CYB5R4: variants seen among roughly 807,000 people sequenced by gnomAD.
CYB5R4 encodes the protein N-terminal cytochrome b5 and cytochrome b5 oxidoreductase domain-containing protein.
CYB5R4 carries 55 observed loss-of-function variants against 70.2 expected under a neutral mutation model. The observed-to-expected ratio is 0.78, with a 90% CI of 0.63 to 0.98. The LOEUF is 0.98. CYB5R4 is among the 50% of genes least tolerant of loss of function. The probability of loss-of-function intolerance (pLI) is 0.00; values close to 1 mark genes in which losing one functional copy is unlikely to be tolerated. For missense variants in CYB5R4, 562 were observed against 612.6 expected (o/e 0.92, Z 0.87); for synonymous variants, 197 against 199.5 (o/e 0.99, Z 0.11).
intron 3 of CYB5R4, among the ~76,000 whole-genome samples, chr6:83,895,285 C>A (rs910249220): frequency 1.3e-5 from 2 of 152,038 alleles, no homozygotes; most frequent in Admixed American, 6.6e-5. Context: ...TGTGCCTTAG[C>A]CTCCCGAGTA....
intron 10 of CYB5R4, among the ~76,000 whole-genome samples, chr6:83,932,056 T>G (rs1219066343): frequency 6.6e-6 from 1 of 151,526 alleles, no homozygotes; most frequent in East Asian, 1.9e-4. Context: ...CGGTGTTTAG[T>G]TTTTTGTCCT....
At chr6:83,896,635 CATA>C (rs1415232353) in intron 3 of CYB5R4, among the ~76,000 whole-genome samples, 10 of 152,146 alleles carry the variant, frequency 6.6e-5, no homozygotes, top group African/African-American at 2.4e-4. Context: ...CCATTGTATG[CATA>C]TATTATAACA....
chr6:83,888,698 C>T (rs1273737925), intron 2 of CYB5R4, among the ~76,000 whole-genome samples: 3 of 152,104 alleles, frequency 2.0e-5, no homozygotes, highest in African/African-American at 7.2e-5. Flanking sequence ...CTACATTGGC[C>T]TCTGAGTGTT....
intron 2 of CYB5R4, among the ~76,000 whole-genome samples, chr6:83,878,275 C>T (rs554978378): frequency 5.9e-5 from 9 of 151,656 alleles, no homozygotes; most frequent in African/African-American, 2.2e-4. Context: ...CTAATAGTTC[C>T]AATACATTCT....
chr6:83,910,031 G>A, intron 4 of CYB5R4: 2 of 1,611,718 alleles, frequency 1.2e-6, no homozygotes, highest in Admixed American at 1.7e-5. Flanking sequence ...TGTTAAGCTG[G>A]TACGCATGCA....
chr6:83,877,125 C>T (rs377444253), intron 2 of CYB5R4, among the ~76,000 whole-genome samples: 2 of 152,210 alleles, frequency 1.3e-5, no homozygotes, highest in East Asian at 3.8e-4. Context: ...CAACCGCACC[C>T]AGCCCTTTTA....
At chr6:83,938,659 A>T (rs1466441198) in intron 12 of CYB5R4, among the ~76,000 whole-genome samples, 2 of 152,280 alleles carry the variant, frequency 1.3e-5, no homozygotes, top group East Asian at 3.9e-4. Context: ...AGCATCAGTT[A>T]TCCTATGTGA....
At chr6:83,867,876 C>T (rs1194000448) in intron 2 of CYB5R4, among the ~76,000 whole-genome samples, 3 of 152,212 alleles carry the variant, frequency 2.0e-5, no homozygotes, top group African/African-American at 7.2e-5. Context: ...GTACATACAG[C>T]TTGCTCACAC....
At chr6:83,886,296 C>T (rs1197604663) in intron 2 of CYB5R4, among the ~76,000 whole-genome samples, 1 of 152,172 alleles carries the variant, frequency 6.6e-6, no homozygotes, top group Admixed American at 6.5e-5. Flanking sequence ...AAAGGCCCTA[C>T]CATTCAGTAC....
At chr6:83,942,585 A>G (rs1480975681) in intron 14 of CYB5R4, among the ~76,000 whole-genome samples, 5 of 152,060 alleles carry the variant, frequency 3.3e-5, no homozygotes, top group African/African-American at 4.8e-5. Flanking sequence ...TTTGTACCCC[A>G]GTGGCGCCTG....
chr6:83,897,704 G>A lies in CYB5R4; in HGVS notation c.330+4082G>A, dbSNP rs557139099. ...CTGCATAAATATCTTCTTTTGAGAA[G>A]TGTCTGTTCATATCCTTTGCCCACT... On this transcript the variant is annotated intron_variant, in intron 3 of 15. Coordinates refer to ENST00000369681, the MANE Select transcript of CYB5R4 (RefSeq NM_016230.4). 2.9e-3 allele frequency among the ~76,000 whole-genome samples: 436 copies of A among 152,310 alleles called. 1 individual carries two copies. The highest frequency in any genetic ancestry group is 5.2e-3 in the Non-Finnish European group (355 of 68,042).
Position 83,960,746 on chromosome 6 carries a change from A to G in CYB5R4, c.*868A>G, listed in dbSNP as rs921497658. 1 of 152,226 alleles carries G rather than the reference A, an allele frequency of 6.6e-6. No individual in the cohort carries two copies. 9.4% of individuals were successfully genotyped at this position (152,226 alleles called of 1,614,324 possible). A position where few individuals can be genotyped will look rare whatever the true frequency, so the allele number is the denominator to read the frequency against. ...AAAAATGAGGAACATTCTGCCTTGA[A>G]TGGTTCTTCCCCTGGTTGGCTGCTT... On this transcript the variant is annotated 3_prime_UTR_variant, in exon 16 of 16. Coordinates refer to ENST00000369681, the MANE Select transcript of CYB5R4 (RefSeq NM_016230.4).
chr6:83,917,914 A>G, intron 5 of CYB5R4, 91 bp from the exon 6 acceptor site: 1 of 937,832 alleles, frequency 1.1e-6, no homozygotes, highest in Non-Finnish European at 1.7e-6. Flanking sequence ...CCTTTTATGA[A>G]TATATGTGAT....
At chr6:83,953,788 A>G (rs898227415) in intron 14 of CYB5R4, among the ~76,000 whole-genome samples, 6 of 152,154 alleles carry the variant, frequency 3.9e-5, no homozygotes, top group Non-Finnish European at 8.8e-5. Context: ...GGAGGAGGGA[A>G]TAAGTCGTTG....
chr6:83,876,883 G>C (rs1189417599), intron 2 of CYB5R4, among the ~76,000 whole-genome samples: 6 of 151,838 alleles, frequency 4.0e-5, no homozygotes, highest in African/African-American at 1.5e-4. Flanking sequence ...CACCAGGCTG[G>C]AGTGCAGTGG....
chr6:83,891,500 A>G (rs1343620388), intron 2 of CYB5R4, among the ~76,000 whole-genome samples: 1 of 152,238 alleles, frequency 6.6e-6, no homozygotes, highest in Non-Finnish European at 1.5e-5. Flanking sequence ...GAGAAAGAGC[A>G]AAGAAGAGCC....
intron 2 of CYB5R4, among the ~76,000 whole-genome samples, chr6:83,867,964 C>G (rs755477069): frequency 2.0e-5 from 3 of 152,172 alleles, no homozygotes; most frequent in Non-Finnish European, 2.9e-5. Context: ...ACTTGCCCAC[C>G]CACTCCCCTC....
At chr6:83,922,604 G>A (rs766243956) in intron 9 of CYB5R4, 134 bp downstream of exon 9, 1 of 631,530 alleles carries the variant, frequency 1.6e-6, no homozygotes, top group African/African-American at 2.1e-5. Context: ...GCAAAACAAA[G>A]ATGTGATGTT....
chr6:83,910,460 G>T (rs757170747), intron 4 of CYB5R4, among the ~76,000 whole-genome samples: 5 of 152,134 alleles, frequency 3.3e-5, no homozygotes, highest in Non-Finnish European at 7.4e-5. Context: ...TATAGGGCCC[G>T]TTGTCTGGGT....
Sources: gnomAD v4.1 joint callset for allele counts (sites outside exome capture counted in the v4.1 genomes callset) on GRCh38, gnomAD v4.1.1 for gene constraint, MANE v1.5 for transcripts, NCBI Gene and HGNC (gene_info 2026-07-23, HGNC 2026-07-21) for gene names.